Variants in RGS9 observed in about 807,000 individuals in gnomAD.
The protein encoded by RGS9 is regulator of G-protein signalling 9.
A neutral mutation model predicts 102.0 loss-of-function variants in RGS9; 78 were observed. That is an observed-to-expected ratio of 0.76 (90% confidence interval 0.64 to 0.92). The LOEUF is 0.92. RGS9 is among the 40% of genes least tolerant of loss of function. The pLI is 0.00. For synonymous variants in RGS9, 353 were observed against 318.6 expected, an observed-to-expected ratio of 1.11 and a Z score of -1.15; for missense variants, 833 against 866.1, an observed-to-expected ratio of 0.96 and a Z score of 0.48.
At position 65,173,754 on chromosome 17, in the gene RGS9, C is replaced by T. The variant is rs1424079309; in HGVS notation, c.583-3978C>T. On this transcript the variant is annotated intron_variant, in intron 8 of 18. Transcript: ENST00000262406. This position sits in a 1 kb window ranked among gnomAD's most constrained non-coding sequence, Gnocchi z 4.8. ...TTCTGGTTAACTTCATCTGAACACC[C>T]TGTTATGTGCCAGAAACTGTGTCAG... Among the ~76,000 whole-genome samples the T allele has an allele frequency of 6.6e-6, 1 of 152,212 alleles. No homozygotes were observed. Among genetic ancestry groups the T allele is most frequent in the African/African-American group, 2.4e-5 (1 of 41,444 alleles).
rs187593046 is a variant in RGS9, at chr17:65,141,856, A to T, written c.57+4259A>T. Among the ~76,000 whole-genome samples, 32 of 152,376 alleles carry T rather than the reference A, an allele frequency of 2.1e-4. 1 individual carries two copies. The East Asian group carries it at 3.1e-3, about 15-fold the overall frequency. On this transcript the variant is annotated intron_variant, in intron 1 of 18. Coordinates refer to ENST00000262406, the MANE Select transcript of RGS9 (RefSeq NM_003835.4). Reference sequence around the variant, plus strand: ...ATTTTAGGCAATACAAAACAGGGACATGTGAAGTAGCATGGTGGTTTGGGA... The same window carrying T: ...ATTTTAGGCAATACAAAACAGGGACTTGTGAAGTAGCATGGTGGTTTGGGA...
At chr17:65,186,504 T>C (rs1303467152) in intron 9 of RGS9, among the ~76,000 whole-genome samples, 2 of 152,062 alleles carry the variant, frequency 1.3e-5, no homozygotes, top group Non-Finnish European at 2.9e-5. Context: ...AACCCGGCCT[T>C]GTTTATGTTT....
At chr17:65,145,083 CTTTAT>C (rs751037881) in intron 1 of RGS9, among the ~76,000 whole-genome samples, 1 of 151,976 alleles carries the variant, frequency 6.6e-6, no homozygotes, top group African/African-American at 2.4e-5. Flanking sequence ...CATTTCACCG[CTTTAT>C]TTTATTTTTT....
chr17:65,183,950 G>C (rs1445103678), intron 9 of RGS9, among the ~76,000 whole-genome samples: 3 of 152,198 alleles, frequency 2.0e-5, no homozygotes, highest in Non-Finnish European at 4.4e-5. Context: ...AACTCTGCAA[G>C]GGAAAAATAA....
intron 15 of RGS9, 69 bp downstream of exon 15, chr17:65,204,370 T>C: frequency 1.9e-6 from 3 of 1,564,654 alleles, no homozygotes; most frequent in Admixed American, 3.6e-5. Flanking sequence ...CGGAAAATTC[T>C]TTAGATATAG....
At chr17:65,158,387 T>C (rs1332028827) in intron 3 of RGS9, 42 bp downstream of exon 3, 1 of 1,563,024 alleles carries the variant, frequency 6.4e-7, no homozygotes, top group South Asian at 1.1e-5. Flanking sequence ...GACAGCTTTG[T>C]GTACAGCACC....
At chr17:65,210,698 G>T in intron 17 of RGS9, 93 bp downstream of exon 17, 2 of 1,582,802 alleles carry the variant, frequency 1.3e-6, no homozygotes, top group Non-Finnish European at 1.7e-6. Flanking sequence ...ATGCACTTGG[G>T]AGAGGCAAAT....
intron 9 of RGS9, among the ~76,000 whole-genome samples, chr17:65,179,235 C>T (rs781619182): frequency 4.6e-5 from 7 of 152,100 alleles, no homozygotes; most frequent in African/African-American, 9.7e-5. Flanking sequence ...AGCAAGGCAG[C>T]TCTGGGACAG....
rs753781783 is a variant in RGS9 at position 65,173,392 on chromosome 17, C to T, written c.583-4340C>T. Among the ~76,000 whole-genome samples the T allele has an allele frequency of 1.3e-5, 2 of 152,006 alleles. No individual in the cohort carries two copies. The highest frequency in any genetic ancestry group is 2.1e-4 in the South Asian group (1 of 4,814). Reference sequence around the variant, plus strand: ...CGGTGGAGTACCACCGAGAAGTGTCCGTCAGCTCCACGCTGGCCTTGCTCT... The same window carrying T: ...CGGTGGAGTACCACCGAGAAGTGTCTGTCAGCTCCACGCTGGCCTTGCTCT... On this transcript the variant is annotated intron_variant, in intron 8 of 18. Transcript: ENST00000262406. The surrounding 1 kb of genome is among the most constrained non-coding windows in gnomAD (Gnocchi z 4.8).
In RGS9 at chr17:65,137,540, G is replaced by A. The variant is rs760711751; in HGVS notation, c.-1G>A. 2 of 1,612,088 alleles carry A rather than the reference G, an allele frequency of 1.2e-6. No homozygotes were observed. Among genetic ancestry groups the A allele is most frequent in the East Asian group, 4.5e-5 (2 of 44,880 alleles). ...GGCTGTGAATCCATCCAGGGGCCAG[G>A]ATGACAATCCGACACCAAGGCCAGC... On this transcript the variant is annotated 5_prime_UTR_variant, in exon 1 of 19. Coordinates refer to ENST00000262406, the MANE Select transcript of RGS9 (RefSeq NM_003835.4).
chr17:65,143,399 A>G (rs2143951203), intron 1 of RGS9, among the ~76,000 whole-genome samples: 1 of 152,316 alleles, frequency 6.6e-6, no homozygotes, highest in East Asian at 1.9e-4. Context: ...CCACGGAGGC[A>G]GGATTGAGTG....
At position 65,223,824 on chromosome 17, in the gene RGS9, C is replaced by G. The variant is rs1187322783; in HGVS notation, c.1408-1178C>G. 4.0e-5 allele frequency among the ~76,000 whole-genome samples: 6 copies of G among 151,216 alleles called. No individual in the cohort carries two copies. In the South Asian group the frequency reaches 8.4e-4, roughly 21 times the overall value. ...GGAGTGCAGTGACGCGATCTCGGCTCACTGCAATCTATGCCTCCCGGGTTC... is the reference window on the plus strand; with the variant it reads ...GGAGTGCAGTGACGCGATCTCGGCTGACTGCAATCTATGCCTCCCGGGTTC... On this transcript the variant is annotated intron_variant, in intron 17 of 18. Transcript: ENST00000262406.
intron 7 of RGS9, among the ~76,000 whole-genome samples, chr17:65,164,312 T>A (rs993921008): frequency 1.3e-5 from 2 of 152,156 alleles, no homozygotes; most frequent in African/African-American, 4.8e-5. Context: ...GGATTTCCTG[T>A]GTGTATCAGA....
At chr17:65,226,356 G>A (rs1405075002) in intron 18 of RGS9, among the ~76,000 whole-genome samples, 1 of 152,188 alleles carries the variant, frequency 6.6e-6, no homozygotes. Flanking sequence ...GGGATACCCG[G>A]GGACAGCCAG....
intron 8 of RGS9, among the ~76,000 whole-genome samples, chr17:65,176,342 G>A (rs938502950): frequency 6.6e-6 from 1 of 152,204 alleles, no homozygotes; most frequent in Non-Finnish European, 1.5e-5. Flanking sequence ...GCTACCTTCT[G>A]TGGAGAGCTT....
At chr17:65,192,263 G>T (rs1426195544) in intron 11 of RGS9, among the ~76,000 whole-genome samples, 1 of 152,104 alleles carries the variant, frequency 6.6e-6, no homozygotes, top group African/African-American at 2.4e-5. Context: ...TAAAACAGAG[G>T]TTACTACAGA....
intron 15 of RGS9, among the ~76,000 whole-genome samples, chr17:65,207,459 T>C (rs1913109501): frequency 6.6e-6 from 1 of 152,258 alleles, no homozygotes; most frequent in African/African-American, 2.4e-5. Flanking sequence ...TCTCCATACA[T>C]GACCAGCTGT....
chr17:65,160,216 T>C lies in RGS9; in HGVS notation c.206-17T>C. 6.3e-7 allele frequency: 1 copy of C among 1,596,076 alleles called. No individual in the cohort carries two copies. On this transcript the variant is annotated splice_polypyrimidine_tract_variant and intron_variant, in intron 3 of 18. Coordinates refer to ENST00000262406, the MANE Select transcript of RGS9 (RefSeq NM_003835.4). ...CAGCCCTGCTCTTAACATCCATGTC[T>C]GAACTGCTTTTCCCAGAGGCACAGA...
At chr17:65,158,393 G>C in intron 3 of RGS9, 48 bp downstream of exon 3, 1 of 1,530,742 alleles carries the variant, frequency 6.5e-7, no homozygotes, top group Non-Finnish European at 9.1e-7. Context: ...TTTGTGTACA[G>C]CACCATGGGA....
Sources: gnomAD v4.1 joint callset for allele counts (sites outside exome capture counted in the v4.1 genomes callset) on GRCh38, gnomAD v4.1.1 for gene constraint, Gnocchi (gnomAD v3.1) non-coding constraint, MANE v1.5 for transcripts, NCBI Gene and HGNC (gene_info 2026-07-23, HGNC 2026-07-21) for gene names.